Variants in PIK3CD observed in about 807,000 individuals in gnomAD.
The protein encoded by PIK3CD is phosphatidylinositol-4,5-bisphosphate 3-kinase catalytic subunit delta, also known as phosphatidylinositol 4,5-bisphosphate 3-kinase catalytic subunit delta isoform.
PIK3CD carries 20 observed loss-of-function variants against 122.9 expected under a neutral mutation model. The observed-to-expected ratio is 0.16, with a 90% confidence interval of 0.11 to 0.24. The LOEUF (loss-of-function observed/expected upper bound fraction) is 0.24. PIK3CD is among the 10% of genes least tolerant of loss of function. PIK3CD has a pLI of 1.00. For missense variants in PIK3CD, 787 were observed against 1,406.3 expected (o/e 0.56, Z 7.04); for synonymous variants, 596 against 593.4 (o/e 1.00, Z -0.06).
In PIK3CD at chr1:9,715,570, G is replaced by T. The variant is rs373365253; in HGVS notation, c.171G>T (p.Pro57=). ...QLLWHRAQYE[P]LFHMLSGPEA... The stretch of plus-strand genomic sequence containing the variant: ...TGTGGCACCGCGCCCAGTATGAGCC[G>T]CTCTTCCACATGCTCAGTGGCCCCG... The change falls in exon 4 of 24, where the codon CCG becomes CCT. Residue 57 remains proline (P), a synonymous_variant. Coordinates refer to ENST00000377346, the MANE Select transcript of PIK3CD (RefSeq NM_005026.5). This position sits in a 1 kb window ranked among gnomAD's most constrained non-coding sequence, Gnocchi z 4.1. The T allele has an allele frequency of 1.2e-4, 187 of 1,613,526 alleles. No homozygotes were observed. Among genetic ancestry groups the T allele is most frequent in the Non-Finnish European group, 1.5e-4 (181 of 1,180,042 alleles).
In PIK3CD at chr1:9,717,412, C is replaced by A; in HGVS notation, c.931-125C>A. On this transcript the variant is annotated intron_variant, in intron 7 of 23. Transcript: ENST00000377346. The surrounding 1 kb of genome is among the most constrained non-coding windows in gnomAD (Gnocchi z 5.4). ...GGGAAAGGATAGCATTGTGGACAGG[C>A]CCAAACCTGGCCGCAAACCTGTGAC... 9.9e-7 allele frequency: 1 copy of A among 1,005,122 alleles called. No individual in the cohort carries two copies. The highest frequency in any genetic ancestry group is 1.3e-5 in the South Asian group (1 of 76,718). 62.3% of individuals were successfully genotyped at this position (1,005,122 alleles called of 1,614,324 possible).
chr1:9,718,806 ACAT>A lies in PIK3CD; in HGVS notation c.1136_1138del (p.Ile379del). On this transcript the variant is annotated inframe_deletion, in exon 9 of 24. Transcript: ENST00000377346. This position sits in a 1 kb window ranked among gnomAD's most constrained non-coding sequence, Gnocchi z 7.2. ...GTGTGGAAGCAGCGGCTGGAGTTCG[ACAT>A]CAACATCTGCGACCTGCCCCGCATG... The A allele has an allele frequency of 6.2e-7, 1 of 1,611,884 alleles. No homozygotes were observed. The highest frequency in any genetic ancestry group is 8.5e-7 in the Non-Finnish European group (1 of 1,179,940).
At chr1:9,631,480 C>A in the PIK3CD span, among the ~76,000 whole-genome samples, 1 of 152,208 alleles carries the variant, frequency 6.6e-6, no homozygotes, top group Non-Finnish European at 1.5e-5. Flanking sequence ...CATGGTGAAA[C>A]CCCGTCTCTA....
intron 1 of PIK3CD, among the ~76,000 whole-genome samples, chr1:9,675,188 A>T (rs1645477406): frequency 6.6e-6 from 1 of 151,484 alleles, no homozygotes; most frequent in Non-Finnish European, 1.5e-5. Context: ...GATCGAGACC[A>T]TCCTGGCTAA....
In PIK3CD at chr1:9,718,207, A is replaced by AG; in HGVS notation, c.1021-484dup. The AG allele has an allele frequency of 2.1e-6, 1 of 466,180 alleles. No homozygotes were observed. The highest frequency in any genetic ancestry group is 6.7e-5 in the East Asian group (1 of 14,928). 28.9% of individuals were successfully genotyped at this position (466,180 alleles called of 1,614,324 possible). ...GTTTCACTGGGGAAATCGTATAAGC[A>AG]GGGCAGGTCTGGGTTCCACTGGCAG... is the stretch of plus-strand genomic sequence containing the variant. On this transcript the variant is annotated intron_variant, in intron 8 of 23. Coordinates refer to ENST00000377346, the MANE Select transcript of PIK3CD (RefSeq NM_005026.5). The surrounding 1 kb of genome is among the most constrained non-coding windows in gnomAD (Gnocchi z 7.2).
chr1:9,725,575 A>G (rs1649408151), intron 23 of PIK3CD, among the ~76,000 whole-genome samples: 1 of 147,842 alleles, frequency 6.8e-6, no homozygotes, highest in African/African-American at 2.5e-5. Context: ...AAAAATAAAT[A>G]ATAAAAAAAG....
the PIK3CD span, among the ~76,000 whole-genome samples, chr1:9,630,080 G>T: frequency 6.6e-6 from 1 of 152,202 alleles, no homozygotes; most frequent in Non-Finnish European, 1.5e-5. Context: ...CTGGCCCACG[G>T]GGGGAGCAGA....
At chr1:9,646,491 C>A in the PIK3CD span, among the ~76,000 whole-genome samples, 3 of 152,282 alleles carry the variant, frequency 2.0e-5, no homozygotes, top group South Asian at 6.2e-4. Context: ...AGTGACAAGA[C>A]AAGGGAAAGC....
intron 1 of PIK3CD, among the ~76,000 whole-genome samples, chr1:9,667,739 C>CTT (rs367559680): frequency 1.2e-4 from 17 of 136,972 alleles, no homozygotes; most frequent in African/African-American, 3.8e-4. Flanking sequence ...TTTTCTTTTT[C>CTT]TTTTTTTTTT....
intron 1 of PIK3CD, among the ~76,000 whole-genome samples, chr1:9,668,736 G>A (rs914321812): frequency 4.6e-5 from 7 of 152,134 alleles, no homozygotes; most frequent in Admixed American, 3.9e-4. Context: ...CTGCCTTAGA[G>A]GTAGATGGTC....
At chr1:9,697,812 C>T (rs1161454790) in intron 2 of PIK3CD, among the ~76,000 whole-genome samples, 1 of 151,804 alleles carries the variant, frequency 6.6e-6, no homozygotes, top group Non-Finnish European at 1.5e-5. Flanking sequence ...GGGTGGAGCA[C>T]TTGAAGTCAG....
intron 5 of PIK3CD, 80 bp downstream of exon 5, chr1:9,716,158 C>G (rs149807126): frequency 1.2e-5 from 14 of 1,188,758 alleles, no homozygotes; most frequent in Non-Finnish European, 1.7e-5. Context: ...CTCAGTCATC[C>G]GCAAGCCCCC....
Position 9,727,696 on chromosome 1 carries a change from A to G in PIK3CD, c.*650A>G, listed in dbSNP as rs563753936. 4 of 214,492 alleles carry G rather than the reference A, an allele frequency of 1.9e-5. No individual in the cohort carries two copies. Among genetic ancestry groups the G allele is most frequent in the African/African-American group, 6.8e-5 (3 of 44,052 alleles). The allele number at this position is 214,492 out of a possible 1,614,324, so 13.3% of individuals were successfully genotyped here. ...GGCCCAGCCCCATAAAGGAGAATCT[A>G]CGCTGGTCCTCAGGACGTGTTAAAG... On this transcript the variant is annotated 3_prime_UTR_variant, in exon 24 of 24. Coordinates refer to ENST00000377346, the MANE Select transcript of PIK3CD (RefSeq NM_005026.5).
At chr1:9,653,945 C>G in intron 1 of PIK3CD, 2 of 1,362,144 alleles carry the variant, frequency 1.5e-6, no homozygotes, top group Non-Finnish European at 2.0e-6. Context: ...GTAGCTCATA[C>G]CTGTCATCCC....
intron 1 of PIK3CD, among the ~76,000 whole-genome samples, chr1:9,675,970 C>A (rs969501396): frequency 1.4e-5 from 2 of 144,284 alleles, no homozygotes; most frequent in African/African-American, 2.6e-5. Flanking sequence ...TTGCTCTTGT[C>A]CCCCAGGCTG....
intron 2 of PIK3CD, among the ~76,000 whole-genome samples, chr1:9,693,410 TTC>T (rs2100503238): frequency 6.7e-6 from 1 of 149,120 alleles, no homozygotes; most frequent in African/African-American, 2.5e-5. Context: ...GTTTTTTTTT[TTC>T]AGTAGAGACA....
chr1:9,678,132 G>A (rs143596588), intron 1 of PIK3CD, among the ~76,000 whole-genome samples: 4,136 of 137,964 alleles, frequency 0.03, 74 homozygotes, highest in Non-Finnish European at 0.048. Flanking sequence ...CAACAAGAGC[G>A]AAACTCCATC....
At chr1:9,642,791 C>T in the PIK3CD span, among the ~76,000 whole-genome samples, 1 of 150,988 alleles carries the variant, frequency 6.6e-6, no homozygotes, top group African/African-American at 2.4e-5. Context: ...GCTGTTGCTG[C>T]TATTGAAAAA....
At position 9,722,468 on chromosome 1, in the gene PIK3CD, G is replaced by C; in HGVS notation, c.2348-60G>C. The stretch of plus-strand genomic sequence containing the variant: ...CCTGGGACTTAAGGGCTTGGGTGTA[G>C]CTGGAAGCAGAGAACCTACCAGAAA... On this transcript the variant is annotated intron_variant, in intron 18 of 23. Coordinates refer to ENST00000377346, the MANE Select transcript of PIK3CD (RefSeq NM_005026.5). This position sits in a 1 kb window ranked among gnomAD's most constrained non-coding sequence, Gnocchi z 7.6. 2 of 1,556,372 alleles carry C rather than the reference G, an allele frequency of 1.3e-6. No individual in the cohort carries two copies. The highest frequency in any genetic ancestry group is 2.2e-5 in the South Asian group (2 of 89,856).
Sources: allele counts gnomAD v4.1 joint callset (sites outside exome capture counted in the v4.1 genomes callset), GRCh38; gene constraint gnomAD v4.1.1; non-coding constraint Gnocchi (gnomAD v3.1); transcripts MANE v1.5; gene names NCBI Gene and HGNC (gene_info 2026-07-23, HGNC 2026-07-21).